The following SEPTIN7 variants were observed in gnomAD, a reference collection of about 807,000 sequenced individuals.
SEPTIN7 encodes septin-7.
In SEPTIN7, 10 loss-of-function variants were observed where a neutral mutation model predicts 63.3. The observed-to-expected ratio is 0.16, with a 90% CI of 0.10 to 0.27. The LOEUF is 0.27. Ranked by LOEUF, SEPTIN7 falls within the 10% of genes least tolerant of loss-of-function variation. The probability of loss-of-function intolerance (pLI) is 1.00; values close to 1 mark genes in which losing one functional copy is unlikely to be tolerated. For synonymous variants in SEPTIN7, 131 were observed against 165.3 expected, an observed-to-expected ratio of 0.79 and a Z score of 1.59; for missense variants, 310 against 521.0, an observed-to-expected ratio of 0.59 and a Z score of 3.94.
intron 3 of SEPTIN7, among the ~76,000 whole-genome samples, chr7:35,844,277 A>G (rs1784547298): frequency 6.6e-6 from 1 of 152,236 alleles, no homozygotes; most frequent in South Asian, 2.1e-4. Context: ...ATTTAGATTT[A>G]TGTGGTAACT....
intron 1 of SEPTIN7, among the ~76,000 whole-genome samples, chr7:35,823,767 G>C (rs996300096): frequency 1.3e-4 from 20 of 152,180 alleles, no homozygotes; most frequent in African/African-American, 4.3e-4. Context: ...GGACAAAATT[G>C]CTTGGATGGC....
intron 4 of SEPTIN7, among the ~76,000 whole-genome samples, chr7:35,864,096 T>G (rs1480265836): frequency 6.6e-6 from 1 of 151,824 alleles, no homozygotes; most frequent in Non-Finnish European, 1.5e-5. Flanking sequence ...TTGCAGAAAA[T>G]TGCATTAGAT....
chr7:35,860,816 A>G (rs576838161), intron 3 of SEPTIN7, among the ~76,000 whole-genome samples: 2 of 152,186 alleles, frequency 1.3e-5, no homozygotes, highest in South Asian at 4.1e-4. Flanking sequence ...TCGTGTTGGT[A>G]TTGGTTGTGA....
chr7:35,819,141 G>A (rs1170144907), intron 1 of SEPTIN7, among the ~76,000 whole-genome samples: 1 of 151,996 alleles, frequency 6.6e-6, no homozygotes, highest in African/African-American at 2.4e-5. Context: ...ATTTTGGTAT[G>A]TTGTGTTTTT....
chr7:35,898,089 A>G, intron 11 of SEPTIN7, 159 bp from the exon 12 acceptor site: 1 of 501,936 alleles, frequency 2.0e-6, no homozygotes, highest in Non-Finnish European at 3.3e-6. Context: ...TTTCATAAAT[A>G]ATCAAGTTTT....
At chr7:35,889,279 A>G (rs1200612792) in intron 10 of SEPTIN7, among the ~76,000 whole-genome samples, 1 of 152,234 alleles carries the variant, frequency 6.6e-6, no homozygotes, top group Admixed American at 6.5e-5. Context: ...GTGGAGTGGT[A>G]GAACTTCAGA....
At chr7:35,891,192 G>A (rs867572627) in intron 11 of SEPTIN7, among the ~76,000 whole-genome samples, 2 of 152,272 alleles carry the variant, frequency 1.3e-5, no homozygotes, top group South Asian at 4.1e-4. Flanking sequence ...AGCTGTGGTG[G>A]TTTCATGTTG....
At chr7:35,894,343 C>T (rs10230802) in intron 11 of SEPTIN7, among the ~76,000 whole-genome samples, 1 of 151,722 alleles carries the variant, frequency 6.6e-6, no homozygotes, top group African/African-American at 2.4e-5. Flanking sequence ...TTTTTCTGTT[C>T]TCTATAGCCT....
Position 35,890,833 on chromosome 7 carries a change from G to A in SEPTIN7, c.998+40G>A, listed in dbSNP as rs114653744. The A allele has an allele frequency of 1.6e-3, 2,243 of 1,405,814 alleles. 34 individuals carry two copies. In the African/African-American group the frequency reaches 0.03, roughly 19 times the overall value. 87.1% of individuals were successfully genotyped at this position (1,405,814 alleles called of 1,614,324 possible). A position where few individuals can be genotyped will look rare whatever the true frequency, so the allele number is the denominator to read the frequency against. On this transcript the variant is annotated intron_variant, in intron 11 of 13. Transcript: ENST00000350320. ...TTTTCTCCAAAAAGGTATTATTTCT[G>A]TAGTCAATAATCATATTGTTTCATT...
In SEPTIN7 at chr7:35,876,864, G is replaced by T. The variant is rs183305453; in HGVS notation, c.513-2959G>T. On this transcript the variant is annotated intron_variant, in intron 6 of 13. Transcript: ENST00000350320. ...GATGCCTGTAATCCCAGCTACTCAG[G>T]AGGCTGAGGCAGGAGAATTGCTTGA... Among the ~76,000 whole-genome samples the T allele has an allele frequency of 6.0e-4, 91 of 152,260 alleles. No individual in the cohort carries two copies. The East Asian group carries it at 0.016, about 27-fold the overall frequency.
At chr7:35,884,433 G>T (rs1787098185) in intron 9 of SEPTIN7, among the ~76,000 whole-genome samples, 1 of 152,100 alleles carries the variant, frequency 6.6e-6, no homozygotes, top group Non-Finnish European at 1.5e-5. Context: ...TTTCAAATAA[G>T]AGATACTCAA....
chr7:35,854,511 A>G (rs1166497900), intron 3 of SEPTIN7, among the ~76,000 whole-genome samples: 3 of 152,250 alleles, frequency 2.0e-5, no homozygotes, highest in Non-Finnish European at 2.9e-5. Flanking sequence ...ACTCCTCACA[A>G]TAAAGAATTA....
At chr7:35,884,275 C>T (rs1478434445) in intron 9 of SEPTIN7, among the ~76,000 whole-genome samples, 4 of 152,124 alleles carry the variant, frequency 2.6e-5, no homozygotes, top group African/African-American at 4.8e-5. Flanking sequence ...CAAAATAAAA[C>T]GTTTTGAGCA....
chr7:35,893,690 A>T (rs1328375843), intron 11 of SEPTIN7, among the ~76,000 whole-genome samples: 1 of 152,220 alleles, frequency 6.6e-6, no homozygotes, highest in Non-Finnish European at 1.5e-5. Context: ...TGTAGAGTCT[A>T]TTGAAACATG....
chr7:35,839,986 ATTT>A (rs1784327148), intron 3 of SEPTIN7, among the ~76,000 whole-genome samples: 1 of 152,190 alleles, frequency 6.6e-6, no homozygotes, highest in Non-Finnish European at 1.5e-5. Flanking sequence ...GGGCAGTATC[ATTT>A]TTATTTATTT....
chr7:35,843,235 C>T (rs1368044678), intron 3 of SEPTIN7, among the ~76,000 whole-genome samples: 1 of 152,132 alleles, frequency 6.6e-6, no homozygotes, highest in Non-Finnish European at 1.5e-5. Context: ...GAGGCAGTGG[C>T]CCTGCTTACC....
At chr7:35,822,179 A>C (rs1789461602) in intron 1 of SEPTIN7, among the ~76,000 whole-genome samples, 1 of 151,982 alleles carries the variant, frequency 6.6e-6, no homozygotes, top group Non-Finnish European at 1.5e-5. Context: ...TCCCAGGTTC[A>C]AGCAATTCTC....
chr7:35,849,084 G>GGTTAT (rs1208331999), intron 3 of SEPTIN7, among the ~76,000 whole-genome samples: 6 of 152,154 alleles, frequency 3.9e-5, no homozygotes, highest in Admixed American at 3.9e-4. Context: ...TGCAGGGCCA[G>GGTTAT]GTTATATAGA....
At position 35,883,676 on chromosome 7, in the gene SEPTIN7, A is replaced by G. The variant is rs746629949; in HGVS notation, c.724-215A>G. Among the ~76,000 whole-genome samples, 38 of 152,084 alleles carry G rather than the reference A, an allele frequency of 2.5e-4. 1 individual carries two copies. The highest frequency in any genetic ancestry group is 8.3e-4 in the South Asian group (4 of 4,826). ...TTGAATATTCTTAACATTAAAGAGAAAATTTAATTTTATTTATTGTTTACC... is the reference window on the plus strand; with the variant it reads ...TTGAATATTCTTAACATTAAAGAGAGAATTTAATTTTATTTATTGTTTACC... On this transcript the variant is annotated intron_variant, in intron 8 of 13. Transcript: ENST00000350320.
Sources: gnomAD v4.1 joint callset for allele counts (sites outside exome capture counted in the v4.1 genomes callset) on GRCh38, gnomAD v4.1.1 for gene constraint, MANE v1.5 for transcripts, NCBI Gene and HGNC (gene_info 2026-07-23, HGNC 2026-07-21) for gene names.